The following SDK2 variants were observed in gnomAD, a reference collection of about 807,000 sequenced individuals.
The protein encoded by SDK2 is protein sidekick-2.
In SDK2, 105 loss-of-function variants were observed where a neutral mutation model predicts 253.9. The ratio of observed to expected loss-of-function variants is 0.41; its 90% CI spans 0.35 to 0.49. The LOEUF (loss-of-function observed/expected upper bound fraction) is 0.49. Ranked by LOEUF, SDK2 falls within the 20% of genes least tolerant of loss-of-function variation. The pLI, the probability that SDK2 is intolerant of heterozygous loss-of-function variation, is 0.06. For synonymous variants in SDK2, 1,249 were observed against 1,234.9 expected (o/e 1.01, Z -0.24); for missense variants, 2,608 against 3,003.0 (o/e 0.87, Z 3.07).
chr17:73,543,792 G>A (rs926624272), intron 1 of SDK2, among the ~76,000 whole-genome samples: 1 of 152,252 alleles, frequency 6.6e-6, no homozygotes, highest in Non-Finnish European at 1.5e-5. Context: ...ATCCCAAGGT[G>A]CAGGGGGAGA....
intron 5 of SDK2, among the ~76,000 whole-genome samples, chr17:73,442,188 G>A (rs1016381670): frequency 2.0e-5 from 3 of 152,240 alleles, no homozygotes; most frequent in Admixed American, 6.5e-5. Context: ...GTGAGGACAC[G>A]GCTGGAAGGC....
At position 73,361,660 on chromosome 17, in the gene SDK2, A is replaced by T; in HGVS notation, c.5467+24T>A. 1 of 1,599,686 alleles carries T rather than the reference A, an allele frequency of 6.3e-7. No homozygotes were observed. Among genetic ancestry groups the T allele is most frequent in the African/African-American group, 1.3e-5 (1 of 74,814 alleles). Reference sequence around the variant, plus strand: ...GACGCTGAACCGCCGTGTGGAAGACATGCCTGGTCCGTTGCTCTCCTACCT... The same window carrying T: ...GACGCTGAACCGCCGTGTGGAAGACTTGCCTGGTCCGTTGCTCTCCTACCT... On this transcript the variant is annotated intron_variant, in intron 39 of 44. Coordinates refer to ENST00000392650, the MANE Select transcript of SDK2 (RefSeq NM_001144952.2). This position sits in a 1 kb window ranked among gnomAD's most constrained non-coding sequence, Gnocchi z 4.1.
At chr17:73,630,629 G>C (rs1165354806) in intron 1 of SDK2, among the ~76,000 whole-genome samples, 1 of 152,128 alleles carries the variant, frequency 6.6e-6, no homozygotes, top group Non-Finnish European at 1.5e-5. Context: ...TCTCAGCAGA[G>C]GCCTAATCCC....
intron 1 of SDK2, among the ~76,000 whole-genome samples, chr17:73,640,809 C>T (rs139255814): frequency 1.3e-3 from 199 of 152,260 alleles, no homozygotes; most frequent in African/African-American, 4.5e-3. Flanking sequence ...GCTCAGATTC[C>T]CTTCCTTCTG....
chr17:73,401,194 C>A lies in SDK2; in HGVS notation c.2797G>T (p.Glu933Ter). ...GILTGYRISW[E>*]EYNRTNTRVT... ...CGGGTGTTGGTTCGATTGTACTCCT[C>A]CCAGGAGATCCGGTACCCTGGGGAG... The change falls in exon 21 of 45, where the codon GAG becomes TAG. Residue 933 changes from glutamate to a stop codon, truncating the protein, a stop_gained. Coordinates refer to ENST00000392650, the MANE Select transcript of SDK2 (RefSeq NM_001144952.2). LOFTEE classifies it high-confidence loss of function. 1 of 1,551,892 alleles carries A rather than the reference C, an allele frequency of 6.4e-7. No individual in the cohort carries two copies. Among genetic ancestry groups the A allele is most frequent in the Non-Finnish European group, 8.7e-7 (1 of 1,146,950 alleles).
At chr17:73,622,388 C>A (rs956329009) in intron 1 of SDK2, among the ~76,000 whole-genome samples, 1 of 152,242 alleles carries the variant, frequency 6.6e-6, no homozygotes, top group Non-Finnish European at 1.5e-5. Flanking sequence ...TCTCTCCTCC[C>A]TCTGTGAGTC....
At chr17:73,412,319 G>A (rs2063146559) in intron 18 of SDK2, among the ~76,000 whole-genome samples, 1 of 149,754 alleles carries the variant, frequency 6.7e-6, no homozygotes, top group Non-Finnish European at 1.5e-5. Flanking sequence ...TATATTTTTA[G>A]TAGAGATGGG....
chr17:73,615,125 CTT>C (rs962988022), intron 1 of SDK2, among the ~76,000 whole-genome samples: 1 of 152,098 alleles, frequency 6.6e-6, no homozygotes, highest in Admixed American at 6.6e-5. Context: ...TTTTTCAACT[CTT>C]TGAACCGTGC....
chr17:73,373,178 C>T (rs1038952228), intron 36 of SDK2, among the ~76,000 whole-genome samples: 4 of 152,162 alleles, frequency 2.6e-5, no homozygotes, highest in Non-Finnish European at 4.4e-5. Context: ...CAGGTTCATC[C>T]GTGTTGTTGC....
intron 3 of SDK2, among the ~76,000 whole-genome samples, chr17:73,466,715 GC>G (rs869108125): frequency 0.049 from 5,238 of 106,912 alleles, 375 homozygotes; most frequent in African/African-American, 0.089. Context: ...TCTGGGGAAC[GC>G]CCCCCCCCCC....
At chr17:73,418,173 AATTTTTGT>A (rs760815426) in intron 16 of SDK2, among the ~76,000 whole-genome samples, 20 of 151,940 alleles carry the variant, frequency 1.3e-4, no homozygotes, top group Admixed American at 3.3e-4. Context: ...ATGCCCAGGT[AATTTTTGT>A]ATTTTTAGTG....
In SDK2 at chr17:73,447,494, C is replaced by A; in HGVS notation, c.613+121G>T. 7.1e-7 allele frequency: 1 copy of A among 1,406,380 alleles called. No homozygotes were observed. The highest frequency in any genetic ancestry group is 9.7e-7 in the Non-Finnish European group (1 of 1,032,302). 87.1% of individuals were successfully genotyped at this position (1,406,380 alleles called of 1,614,324 possible). On this transcript the variant is annotated intron_variant, in intron 5 of 44. Transcript: ENST00000392650. This position sits in a 1 kb window ranked among gnomAD's most constrained non-coding sequence, Gnocchi z 4.0. ...CCTCCTTGGGAAGGCTCCCCCCGGC[C>A]GTCCCCTAGCTTCCCTGTCCCCCTC...
chr17:73,425,024 A>G (rs1193633173), intron 12 of SDK2, among the ~76,000 whole-genome samples: 1 of 152,232 alleles, frequency 6.6e-6, no homozygotes, highest in East Asian at 1.9e-4. Flanking sequence ...GTTTGAGACC[A>G]GTCTGGCCAA....
chr17:73,465,157 A>G lies in SDK2; in HGVS notation c.331+6955T>C, dbSNP rs2063588532. Reference sequence around the variant, plus strand: ...GCTGAAAATGAAGAGAAACAGGCCTATGGGTGGCATTTTAGGATTACTCCT... The same window carrying G: ...GCTGAAAATGAAGAGAAACAGGCCTGTGGGTGGCATTTTAGGATTACTCCT... On this transcript the variant is annotated intron_variant, in intron 3 of 44. Coordinates refer to ENST00000392650, the MANE Select transcript of SDK2 (RefSeq NM_001144952.2). The surrounding 1 kb of genome is among the most constrained non-coding windows in gnomAD (Gnocchi z 4.2). Among the ~76,000 whole-genome samples the G allele has an allele frequency of 6.6e-6, 1 of 152,186 alleles. No individual in the cohort carries two copies. The highest frequency in any genetic ancestry group is 1.9e-4 in the East Asian group (1 of 5,180).
rs181405956 is a variant in SDK2 at position 73,374,499 on chromosome 17, G to T, written c.4980+4678C>A. On this transcript the variant is annotated intron_variant, in intron 36 of 44. Coordinates refer to ENST00000392650, the MANE Select transcript of SDK2 (RefSeq NM_001144952.2). ...TTTTTTTTTTTTGAGATGGGGTCTC[G>T]CTCTGTTGCCCAGGCTGGAGTACAG... Among the ~76,000 whole-genome samples the T allele has an allele frequency of 3.9e-3, 549 of 140,152 alleles. 96 individuals are homozygous for T. Among genetic ancestry groups the T allele is most frequent in the African/African-American group, 0.015 (527 of 34,060 alleles). 91.9% of individuals were successfully genotyped at this position (140,152 alleles called of 152,430 possible). A position where few individuals can be genotyped will look rare whatever the true frequency, so the allele number is the denominator to read the frequency against.
chr17:73,612,258 C>T lies in SDK2; in HGVS notation c.64+31767G>A, dbSNP rs984322134. 2.6e-5 allele frequency among the ~76,000 whole-genome samples: 4 copies of T among 151,968 alleles called. No individual in the cohort carries two copies. The highest frequency in any genetic ancestry group is 9.7e-5 in the African/African-American group (4 of 41,358). On this transcript the variant is annotated intron_variant, in intron 1 of 44. Coordinates refer to ENST00000392650, the MANE Select transcript of SDK2 (RefSeq NM_001144952.2). The surrounding 1 kb of genome is among the most constrained non-coding windows in gnomAD (Gnocchi z 4.4). Reference sequence around the variant, plus strand: ...GGCCCCCCACGGTCCCCCACCCTCACGGGGTCCCTGTGACCCAGCTGCACC... The same window carrying T: ...GGCCCCCCACGGTCCCCCACCCTCATGGGGTCCCTGTGACCCAGCTGCACC...
intron 4 of SDK2, among the ~76,000 whole-genome samples, chr17:73,450,708 A>T (rs1467708917): frequency 6.6e-6 from 1 of 152,284 alleles, no homozygotes; most frequent in African/African-American, 2.4e-5. Context: ...AGTGGTTCTC[A>T]ACCAGGGTTG....
chr17:73,539,874 G>C (rs11651269), intron 1 of SDK2, among the ~76,000 whole-genome samples: 25,760 of 151,784 alleles, frequency 0.17, 2,284 homozygotes, highest in East Asian at 0.29. Flanking sequence ...TGTGAGCTGG[G>C]GTACCCAGGA....
At chr17:73,498,089 T>C (rs2063857368) in intron 2 of SDK2, among the ~76,000 whole-genome samples, 2 of 152,326 alleles carry the variant, frequency 1.3e-5, no homozygotes, top group South Asian at 4.1e-4. Flanking sequence ...TGCACTATTA[T>C]TTAGTTCTGC....
Sources: allele counts gnomAD v4.1 joint callset (sites outside exome capture counted in the v4.1 genomes callset), GRCh38; gene constraint gnomAD v4.1.1; non-coding constraint Gnocchi (gnomAD v3.1); transcripts MANE v1.5; gene names NCBI Gene and HGNC (gene_info 2026-07-23, HGNC 2026-07-21).